AK5: variants seen among roughly 807,000 people sequenced by gnomAD.
AK5 encodes adenylate kinase isoenzyme 5.
In AK5, 27 loss-of-function variants were observed where a neutral mutation model predicts 69.5. That is an observed-to-expected ratio of 0.39 (90% CI 0.29 to 0.54). AK5 has a LOEUF of 0.54. AK5 is among the 20% of genes least tolerant of loss of function. The pLI is 0.71. For synonymous variants in AK5, 260 were observed against 244.4 expected (o/e 1.06, Z -0.60); for missense variants, 531 against 700.4 (o/e 0.76, Z 2.73).
rs190171592 is a variant in AK5, at chr1:77,410,270, T to A, written c.892-711T>A. On this transcript the variant is annotated intron_variant, in intron 6 of 13. Transcript: ENST00000354567. ...TAGTATCTGAAATTTGGTTTGGAGG[T>A]TTTGTTGTTGTTGTTGTTGTTTTTG... Among the ~76,000 whole-genome samples the A allele has an allele frequency of 9.3e-3, 1,414 of 151,466 alleles. 8 individuals carry two copies. Among genetic ancestry groups the A allele is most frequent in the Non-Finnish European group, 0.016 (1,089 of 67,858 alleles).
chr1:77,282,988 T>A, intron 1 of AK5: 3 of 985,500 alleles, frequency 3.0e-6, no homozygotes, highest in Non-Finnish European at 3.6e-6. Flanking sequence ...TCCCGTTGCC[T>A]AGGAAGGGTT....
chr1:77,409,907 T>G (rs1324569822), intron 6 of AK5, among the ~76,000 whole-genome samples: 2 of 152,188 alleles, frequency 1.3e-5, no homozygotes, highest in Non-Finnish European at 2.9e-5. Flanking sequence ...TATCTTAAGT[T>G]CATTTTCATA....
chr1:77,491,641 A>G (rs1317028631), intron 10 of AK5, among the ~76,000 whole-genome samples: 1 of 152,222 alleles, frequency 6.6e-6, no homozygotes, highest in Non-Finnish European at 1.5e-5. Context: ...CTGCTGCTTA[A>G]CATGAGCACT....
chr1:77,340,630 C>T, intron 6 of AK5, 62 bp downstream of exon 6: 1 of 1,484,196 alleles, frequency 6.7e-7, no homozygotes, highest in Non-Finnish European at 9.2e-7. Context: ...TCTCATTAGC[C>T]CATGTTCTCA....
At chr1:77,340,283 A>C in intron 5 of AK5, 94 bp from the exon 6 acceptor site, 1 of 1,250,608 alleles carries the variant, frequency 8.0e-7, no homozygotes, top group Non-Finnish European at 1.1e-6. Flanking sequence ...AATATATGGC[A>C]GCCTCCACAG....
At chr1:77,483,204 T>G (rs1655378671) in intron 8 of AK5, 113 bp from the exon 9 acceptor site, 1 of 742,696 alleles carries the variant, frequency 1.3e-6, no homozygotes, top group East Asian at 2.5e-5. Context: ...TAAAATTGTT[T>G]GGAGGTGCCT....
intron 6 of AK5, among the ~76,000 whole-genome samples, chr1:77,365,056 C>T (rs1451917146): frequency 1.3e-5 from 2 of 152,132 alleles, no homozygotes; most frequent in African/African-American, 4.8e-5. Context: ...CTTTTGATAA[C>T]ATTCATGCTA....
chr1:77,458,507 G>A (rs1653636671), intron 8 of AK5, among the ~76,000 whole-genome samples: 1 of 152,226 alleles, frequency 6.6e-6, no homozygotes, highest in South Asian at 2.1e-4. Context: ...ACAAAGGAAA[G>A]AGGTTTAATG....
chr1:77,334,741 G>A (rs1661261983), intron 5 of AK5, among the ~76,000 whole-genome samples: 1 of 152,066 alleles, frequency 6.6e-6, no homozygotes, highest in African/African-American at 2.4e-5. Context: ...TATCCTAAAT[G>A]AAATTTAGTT....
chr1:77,312,520 C>A (rs1172071442), intron 5 of AK5, among the ~76,000 whole-genome samples: 4 of 150,706 alleles, frequency 2.7e-5, no homozygotes, highest in African/African-American at 9.8e-5. Flanking sequence ...GAGGCTGAGG[C>A]AGGAGAATCA....
chr1:77,375,396 G>A (rs2602940), intron 6 of AK5, among the ~76,000 whole-genome samples: 149,451 of 152,282 alleles, frequency 0.98, 73,399 homozygotes, highest in East Asian at 1. Context: ...AAAGGACATC[G>A]GGGCATGCAT....
chr1:77,427,920 C>T (rs1259070136), intron 8 of AK5, among the ~76,000 whole-genome samples: 4 of 152,146 alleles, frequency 2.6e-5, no homozygotes, highest in African/African-American at 9.7e-5. Context: ...TAAAAGTGTC[C>T]TTGTTCACAG....
chr1:77,439,651 T>A (rs1652180406), intron 8 of AK5, among the ~76,000 whole-genome samples: 1 of 152,052 alleles, frequency 6.6e-6, no homozygotes, highest in South Asian at 2.1e-4. Flanking sequence ...AACTGTGATA[T>A]TTATCTTTTT....
chr1:77,388,624 A>G (rs1648190485), intron 6 of AK5, among the ~76,000 whole-genome samples: 2 of 152,142 alleles, frequency 1.3e-5, no homozygotes, highest in African/African-American at 2.4e-5. Flanking sequence ...ATGGGAAACT[A>G]TGATAATTCA....
chr1:77,499,362 C>T (rs1656559866), intron 10 of AK5, among the ~76,000 whole-genome samples: 2 of 152,126 alleles, frequency 1.3e-5, no homozygotes, highest in South Asian at 4.1e-4. Flanking sequence ...GATATTTTTT[C>T]TCATATTTGT....
intron 13 of AK5, among the ~76,000 whole-genome samples, chr1:77,537,710 T>G (rs540620297): frequency 3.2e-4 from 48 of 152,326 alleles, no homozygotes; most frequent in African/African-American, 1.1e-3. Flanking sequence ...GGGAAAACCA[T>G]TGATAATGAA....
At chr1:77,478,030 G>C (rs559959028) in intron 8 of AK5, among the ~76,000 whole-genome samples, 1 of 152,324 alleles carries the variant, frequency 6.6e-6, no homozygotes, top group South Asian at 2.1e-4. Flanking sequence ...AGAGCAGTAA[G>C]AGGATGCTGC....
In AK5 at chr1:77,282,161, G is replaced by A; in HGVS notation, c.-153G>A. 1 of 598,328 alleles carries A rather than the reference G, an allele frequency of 1.7e-6. No individual in the cohort carries two copies. The highest frequency in any genetic ancestry group is 2.7e-6 in the Non-Finnish European group (1 of 364,596). 37.1% of individuals were successfully genotyped at this position (598,328 alleles called of 1,614,324 possible). A position where few individuals can be genotyped will look rare whatever the true frequency, so the allele number is the denominator to read the frequency against. On this transcript the variant is annotated 5_prime_UTR_variant, in exon 1 of 14. Transcript: ENST00000354567. ...CGGGGAGAGGCGGAGGGGGTCCCTG[G>A]CCTGGGCGGAGAGGCTGAGCTGAGT...
intron 5 of AK5, among the ~76,000 whole-genome samples, chr1:77,332,717 T>C (rs1044590529): frequency 1.3e-5 from 2 of 152,034 alleles, no homozygotes; most frequent in Non-Finnish European, 2.9e-5. Flanking sequence ...TGAGGCTTCC[T>C]TTATGGCTCA....
Sources: allele counts gnomAD v4.1 joint callset (sites outside exome capture counted in the v4.1 genomes callset), GRCh38; gene constraint gnomAD v4.1.1; transcripts MANE v1.5; gene names NCBI Gene and HGNC (gene_info 2026-07-23, HGNC 2026-07-21).